Variants in NOL4L observed in about 807,000 individuals in gnomAD.
NOL4L encodes nucleolar protein 4 like, also known as nucleolar protein 4-like.
In NOL4L, 7 loss-of-function variants were observed where a neutral mutation model predicts 64.5. The observed-to-expected ratio is 0.11, with a 90% CI of 0.06 to 0.20. NOL4L has a LOEUF of 0.20. Among genes scored for constraint, NOL4L ranks in the 10% least tolerant of loss-of-function variants. NOL4L has a pLI of 1.00. For missense variants in NOL4L, 680 were observed against 967.1 expected (o/e 0.70, Z 3.94); for synonymous variants, 413 against 401.0 (o/e 1.03, Z -0.36).
chr20:32,550,912 T>TAGTC (rs35275811), intron 1 of NOL4L, among the ~76,000 whole-genome samples: 7,669 of 143,496 alleles, frequency 0.053, 620 homozygotes, highest in African/African-American at 0.18. Flanking sequence ...ACAAAAAAGT[T>TAGTC]AGGCGTGGTG....
At chr20:32,513,123 T>A (rs2145559437) in intron 3 of NOL4L, among the ~76,000 whole-genome samples, 1 of 152,310 alleles carries the variant, frequency 6.6e-6, no homozygotes, top group South Asian at 2.1e-4. Context: ...GTCCCACTGA[T>A]GGGCTGGGAT....
chr20:32,522,650 G>A (rs977636363), intron 2 of NOL4L, among the ~76,000 whole-genome samples: 23 of 152,214 alleles, frequency 1.5e-4, no homozygotes, highest in African/African-American at 5.3e-4. Flanking sequence ...CTGGGGGCAC[G>A]TTCCTCTCAG....
chr20:32,509,638 C>G, intron 4 of NOL4L: 1 of 640,652 alleles, frequency 1.6e-6, no homozygotes, highest in Non-Finnish European at 2.2e-6. Context: ...ATGACTGAAT[C>G]CTCGTTAAAG....
intron 1 of NOL4L, among the ~76,000 whole-genome samples, chr20:32,530,258 T>C (rs181912006): frequency 3.1e-4 from 47 of 152,358 alleles, no homozygotes; most frequent in Non-Finnish European, 5.1e-4. Flanking sequence ...ATAGCTGGTT[T>C]TGGCTGGGCG....
At chr20:32,544,381 T>C (rs911542991) in intron 1 of NOL4L, among the ~76,000 whole-genome samples, 2 of 151,866 alleles carry the variant, frequency 1.3e-5, no homozygotes, top group African/African-American at 4.8e-5. Flanking sequence ...TGTGTGCAGC[T>C]GGTACCTGAG....
rs1299831540 is a variant in NOL4L at position 32,452,296 on chromosome 20, C to T, written c.1762G>A (p.Gly588Arg). 9 of 1,606,376 alleles carry T rather than the reference C, an allele frequency of 5.6e-6. No individual in the cohort carries two copies. The highest frequency in any genetic ancestry group is 2.2e-5 in the East Asian group (1 of 44,570). Residue 588 changes from glycine (G) to arginine (R), a missense_variant, in exon 10 of 11, where the codon GGG becomes AGG. Physicochemically the swap from Gly to Arg is moderately radical, Grantham distance 125 (BLOSUM62 -2). This residue lies in a region of NOL4L where 175 missense variants were observed against 227.0 expected (regional missense o/e 0.77). Transcript: ENST00000621426. ...GGLNYSYRGY[G>R]ALSSNLQPPA... ...GGCTGCAGGTTGCTGCTCAAGGCCCCGTACCCGCGGTAACTGTAGTTGAGG... is the reference window on the plus strand; with the variant it reads ...GGCTGCAGGTTGCTGCTCAAGGCCCTGTACCCGCGGTAACTGTAGTTGAGG...
chr20:32,568,432 C>T (rs1413018107), intron 1 of NOL4L, among the ~76,000 whole-genome samples: 1 of 151,998 alleles, frequency 6.6e-6, no homozygotes, highest in Non-Finnish European at 1.5e-5. Context: ...AAATCTGCTC[C>T]CATTTAGGGC....
intron 4 of NOL4L, among the ~76,000 whole-genome samples, chr20:32,492,302 C>T (rs562108369): frequency 1.5e-4 from 23 of 152,336 alleles, no homozygotes; most frequent in African/African-American, 4.6e-4. Context: ...TGCTCACACA[C>T]TTATGCTTGT....
intron 5 of NOL4L, among the ~76,000 whole-genome samples, chr20:32,467,640 C>T (rs543907063): frequency 1.1e-4 from 16 of 152,266 alleles, no homozygotes; most frequent in East Asian, 9.7e-4. Context: ...TGAGGAAGAC[C>T]GCCCACATCC....
rs1193323168 is a variant in NOL4L, at chr20:32,544,895, GTACTAT to G, written c.322-16988_322-16983del. On this transcript the variant is annotated intron_variant, in intron 1 of 10. Transcript: ENST00000621426. The stretch of plus-strand genomic sequence containing the variant: ...CCCATACTATGACACGAAAAGGTGA[GTACTAT>G]TATTATTCCTATTTTACAGATCAGG... Among the ~76,000 whole-genome samples the G allele has an allele frequency of 3.9e-5, 6 of 152,202 alleles. No individual in the cohort carries two copies. The East Asian group carries it at 1.2e-3, about 29-fold the overall frequency.
intron 3 of NOL4L, among the ~76,000 whole-genome samples, chr20:32,515,380 C>T (rs567983275): frequency 5.9e-5 from 9 of 152,158 alleles, no homozygotes; most frequent in African/African-American, 1.7e-4. Context: ...GGAGGACCTC[C>T]GCAGGGAGGG....
intron 1 of NOL4L, among the ~76,000 whole-genome samples, chr20:32,540,321 G>C (rs2018631442): frequency 6.6e-6 from 1 of 152,192 alleles, no homozygotes; most frequent in African/African-American, 2.4e-5. Flanking sequence ...GGGCATTTGG[G>C]CAAGGACTCA....
rs151199711 is a variant in NOL4L, at chr20:32,581,579, A to G, written c.321+2991T>C. On this transcript the variant is annotated intron_variant, in intron 1 of 10. Coordinates refer to ENST00000621426, the MANE Select transcript of NOL4L (RefSeq NM_001256798.2). ...TGGCCACCCTGGGGACAGAGGCTATATGGGGCCTGTCTGCTGGATGACCCA... is the reference window on the plus strand; with the variant it reads ...TGGCCACCCTGGGGACAGAGGCTATGTGGGGCCTGTCTGCTGGATGACCCA... Among the ~76,000 whole-genome samples, 432 of 152,188 alleles carry G rather than the reference A, an allele frequency of 2.8e-3. 1 individual carries two copies. The highest frequency in any genetic ancestry group is 0.01 in the African/African-American group (419 of 41,510).
chr20:32,508,947 G>A (rs995863981), intron 4 of NOL4L, among the ~76,000 whole-genome samples: 3 of 152,124 alleles, frequency 2.0e-5, no homozygotes, highest in Non-Finnish European at 2.9e-5. Context: ...TCTCTTGAAG[G>A]CTTGGTCCTC....
chr20:32,527,503 T>C (rs537080618), intron 2 of NOL4L, among the ~76,000 whole-genome samples: 43 of 152,146 alleles, frequency 2.8e-4, no homozygotes, highest in African/African-American at 9.9e-4. Context: ...CCTCCTGCCC[T>C]CATCCCTCTC....
intron 1 of NOL4L, among the ~76,000 whole-genome samples, chr20:32,545,945 CTTTT>C (rs1454337283): frequency 7.0e-6 from 1 of 143,364 alleles, no homozygotes; most frequent in Admixed American, 6.8e-5. Flanking sequence ...TTTTTTCTTT[CTTTT>C]CTTTTTTTTT....
At chr20:32,529,845 A>G (rs1333791859) in intron 1 of NOL4L, among the ~76,000 whole-genome samples, 1 of 152,216 alleles carries the variant, frequency 6.6e-6, no homozygotes, top group African/African-American at 2.4e-5. Flanking sequence ...TTGCTGGTCC[A>G]GCTTCCTCGC....
In NOL4L at chr20:32,554,277, C is replaced by T. The variant is rs1197137929; in HGVS notation, c.322-26364G>A. The stretch of plus-strand genomic sequence containing the variant: ...CAGAGCTTGCAGTGAGCCGAGATCG[C>T]GCCACTGCACTCCAGCCTGGGCGAC... On this transcript the variant is annotated intron_variant, in intron 1 of 10. Transcript: ENST00000621426. Among the ~76,000 whole-genome samples the T allele has an allele frequency of 4.8e-5, 7 of 145,894 alleles. No individual in the cohort carries two copies. In the East Asian group the frequency reaches 6.0e-4, roughly 13 times the overall value.
chr20:32,569,687 C>CTGGA (rs1321373064), intron 1 of NOL4L, among the ~76,000 whole-genome samples: 1 of 152,124 alleles, frequency 6.6e-6, no homozygotes, highest in African/African-American at 2.4e-5. Context: ...AGCCAACCAG[C>CTGGA]TGGAGAGCAC....
Sources: allele counts gnomAD v4.1 joint callset (sites outside exome capture counted in the v4.1 genomes callset), GRCh38; gene constraint gnomAD v4.1.1; regional missense constraint gnomAD v4.1.1; transcripts MANE v1.5; gene names NCBI Gene and HGNC (gene_info 2026-07-23, HGNC 2026-07-21).